The following C1QTNF3 variants were observed in gnomAD, a reference collection of about 807,000 sequenced individuals.
The protein encoded by C1QTNF3 is C1q and TNF related 3, also known as complement C1q tumor necrosis factor-related protein 3.
C1QTNF3 carries 26 observed loss-of-function variants against 32.6 expected under a neutral mutation model. The observed-to-expected ratio is 0.80, with a 90% CI of 0.58 to 1.11. The LOEUF (loss-of-function observed/expected upper bound fraction) is 1.11, where lower values mean the gene tolerates loss of function less well. Ranked by LOEUF, C1QTNF3 falls within the 50% of genes least tolerant of loss-of-function variation. C1QTNF3 has a pLI of 0.00. For missense variants in C1QTNF3, 362 were observed against 398.2 expected, an observed-to-expected ratio of 0.91 and a Z score of 0.77; for synonymous variants, 155 against 146.0, an observed-to-expected ratio of 1.06 and a Z score of -0.44.
the C1QTNF3 span, among the ~76,000 whole-genome samples, chr5:34,176,436 G>A: frequency 2.1e-5 from 3 of 144,168 alleles, no homozygotes; most frequent in African/African-American, 7.5e-5. Context: ...AAAAGCCAAG[G>A]AATGATGTAA....
chr5:34,114,719 C>T, the C1QTNF3 span, among the ~76,000 whole-genome samples: 1 of 152,082 alleles, frequency 6.6e-6, no homozygotes, highest in African/African-American at 2.4e-5. Flanking sequence ...GTACACTTGA[C>T]TAAACAAATT....
chr5:34,057,952 G>A, the C1QTNF3 span, among the ~76,000 whole-genome samples: 2 of 152,102 alleles, frequency 1.3e-5, no homozygotes, highest in African/African-American at 4.8e-5. Context: ...TGTTTTTCTG[G>A]GCAAAAGACC....
the C1QTNF3 span, chr5:34,158,663 G>T: frequency 1.9e-4 from 29 of 152,102 alleles, no homozygotes; most frequent in East Asian, 5.6e-3. Flanking sequence ...ACCATTATCT[G>T]ATTTCATATG....
chr5:34,136,537 T>G, the C1QTNF3 span, among the ~76,000 whole-genome samples: 1 of 152,202 alleles, frequency 6.6e-6, no homozygotes, highest in Non-Finnish European at 1.5e-5. Context: ...TAGGAACAAT[T>G]TTACACTGTT....
At chr5:34,061,931 A>AT in the C1QTNF3 span, among the ~76,000 whole-genome samples, 1 of 151,970 alleles carries the variant, frequency 6.6e-6, no homozygotes, top group Non-Finnish European at 1.5e-5. Context: ...AGAAAATGGG[A>AT]TTTTCTTTTC....
At chr5:34,229,258 TTACA>T in the C1QTNF3 span, among the ~76,000 whole-genome samples, 1 of 151,918 alleles carries the variant, frequency 6.6e-6, no homozygotes, top group Non-Finnish European at 1.5e-5. Context: ...AAAATTCTTA[TTACA>T]TATTCAAGCT....
chr5:34,150,256 TG>T, the C1QTNF3 span, among the ~76,000 whole-genome samples: 1 of 81,192 alleles, frequency 1.2e-5, no homozygotes. Context: ...ACATTAATAA[TG>T]GGAGACTTTA....
At chr5:34,175,889 A>C in the C1QTNF3 span, 1 of 808,668 alleles carries the variant, frequency 1.2e-6, no homozygotes, top group Non-Finnish European at 2.2e-6. Context: ...TGCGTTTTTG[A>C]TTGAGACCCA....
the C1QTNF3 span, among the ~76,000 whole-genome samples, chr5:34,234,547 T>C: frequency 6.6e-6 from 1 of 152,142 alleles, no homozygotes; most frequent in Non-Finnish European, 1.5e-5. Context: ...TAGGCCACTA[T>C]ATGACTTAAC....
the C1QTNF3 span, among the ~76,000 whole-genome samples, chr5:34,132,585 G>A: frequency 6.6e-6 from 1 of 151,808 alleles, no homozygotes; most frequent in South Asian, 2.1e-4. Flanking sequence ...ATAAATGCCT[G>A]TATACTTATA....
chr5:34,232,855 T>C, the C1QTNF3 span, among the ~76,000 whole-genome samples: 2 of 152,030 alleles, frequency 1.3e-5, no homozygotes, highest in African/African-American at 4.8e-5. Context: ...GGCACATATT[T>C]TTTTAATAAT....
At chr5:34,145,985 G>C in the C1QTNF3 span, among the ~76,000 whole-genome samples, 1 of 152,084 alleles carries the variant, frequency 6.6e-6, no homozygotes, top group Non-Finnish European at 1.5e-5. Context: ...TCCCAACAGA[G>C]TTGGCATCAC....
the C1QTNF3 span, among the ~76,000 whole-genome samples, chr5:34,154,207 T>C: frequency 6.6e-6 from 1 of 152,202 alleles, no homozygotes; most frequent in South Asian, 2.1e-4. Context: ...TTTTTACTTT[T>C]GAACATATTT....
At chr5:34,154,527 C>A in the C1QTNF3 span, among the ~76,000 whole-genome samples, 5 of 152,156 alleles carry the variant, frequency 3.3e-5, no homozygotes, top group Non-Finnish European at 7.3e-5. Flanking sequence ...TCAAGTCAGT[C>A]AGCCAATGGC....
chr5:34,072,375 A>AAGAG, the C1QTNF3 span, among the ~76,000 whole-genome samples: 1 of 125,084 alleles, frequency 8.0e-6, no homozygotes, highest in Admixed American at 8.1e-5. Context: ...AAGAAAGAGA[A>AAGAG]AGAAAGAAAG....
chr5:34,177,103 G>A, the C1QTNF3 span, among the ~76,000 whole-genome samples: 1 of 151,874 alleles, frequency 6.6e-6, no homozygotes. Context: ...TGAGGAGGAA[G>A]GATCACTTGA....
At chr5:34,162,341 T>C in the C1QTNF3 span, among the ~76,000 whole-genome samples, 1 of 152,104 alleles carries the variant, frequency 6.6e-6, no homozygotes, top group Non-Finnish European at 1.5e-5. Context: ...TCATAATAAC[T>C]AACCCACTCC....
chr5:34,090,691 C>T, the C1QTNF3 span, among the ~76,000 whole-genome samples: 1 of 152,114 alleles, frequency 6.6e-6, no homozygotes, highest in Non-Finnish European at 1.5e-5. Flanking sequence ...AGGTTATAAG[C>T]GTGGAGCCCT....
the C1QTNF3 span, among the ~76,000 whole-genome samples, chr5:34,089,665 T>C: frequency 6.6e-6 from 1 of 152,242 alleles, no homozygotes; most frequent in Non-Finnish European, 1.5e-5. Flanking sequence ...CTGCACAGAC[T>C]AAAACAGACT....
Sources: allele counts gnomAD v4.1 joint callset (sites outside exome capture counted in the v4.1 genomes callset), GRCh38; gene constraint gnomAD v4.1.1; transcripts MANE v1.5; gene names NCBI Gene and HGNC (gene_info 2026-07-23, HGNC 2026-07-21).